The following ITSN2 variants were observed in gnomAD, a reference collection of about 807,000 sequenced individuals.
ITSN2 encodes intersectin 2, also known as intersectin-2.
ITSN2 carries 156 observed loss-of-function variants against 243.7 expected under a neutral mutation model. The observed-to-expected ratio is 0.64, with a 90% CI of 0.56 to 0.73. The LOEUF is 0.73. Ranked by LOEUF, ITSN2 falls within the 30% of genes least tolerant of loss-of-function variation. ITSN2 has a pLI of 0.00. For missense variants in ITSN2, 1,801 were observed against 1,996.1 expected (o/e 0.90, Z 1.86); for synonymous variants, 703 against 699.9 (o/e 1.00, Z -0.07).
chr2:24,334,260 T>C (rs1460622391), intron 1 of ITSN2, among the ~76,000 whole-genome samples: 2 of 152,096 alleles, frequency 1.3e-5, no homozygotes, highest in East Asian at 1.9e-4. Context: ...GGTTTCGCCA[T>C]GTTGGCCAGG....
chr2:24,308,289 A>G (rs1682808946), intron 8 of ITSN2, among the ~76,000 whole-genome samples: 1 of 152,214 alleles, frequency 6.6e-6, no homozygotes, highest in South Asian at 2.1e-4. Context: ...TAAGTTCCAC[A>G]CACTCTCTCT....
In ITSN2 at chr2:24,209,924, T is replaced by C. The variant is rs139986826; in HGVS notation, c.4367A>G (p.Asn1456Ser). 8.0e-4 allele frequency: 1,286 copies of C among 1,614,196 alleles called. 1 individual carries two copies. The highest frequency in any genetic ancestry group is 1.9e-3 in the South Asian group (173 of 91,084). The change falls in exon 35 of 40, where the codon AAT becomes AGT. Residue 1456 changes from asparagine to serine, a missense_variant. By Grantham distance (46) the Asn-to-Ser change is conservative. This residue lies in a region of ITSN2 where 928 missense variants were observed against 1,065.4 expected (regional missense o/e 0.87). Coordinates refer to ENST00000355123, the MANE Select transcript of ITSN2 (RefSeq NM_006277.3). ...CATGTAGGTAAGAAGCAGGAAGTCA[T>C]TGAAGAGGAATCCGTGCAGTTCCTT... ...SNKELHGFLF[N>S]DFLLLTYMVK...
chr2:24,208,439 A>G (rs926998795), intron 36 of ITSN2, 120 bp from the exon 37 acceptor site: 2 of 731,738 alleles, frequency 2.7e-6, no homozygotes, highest in Admixed American at 2.4e-5. Flanking sequence ...CAAGTTTCCT[A>G]TCAAAGACCT....
chr2:24,203,700 G>A lies in ITSN2; in HGVS notation c.5020C>T (p.Leu1674=). The change falls in exon 40 of 40, where the codon CTG becomes TTG. Residue 1674 remains leucine, a synonymous_variant. Coordinates refer to ENST00000355123, the MANE Select transcript of ITSN2 (RefSeq NM_006277.3). ...SKGPMTRRLL[L]HEVPTGEVWV... ...ACCTCCCCGGTGGGGACCTCATGCA[G>A]CAGCAGTCGGCGGGTCATAGGGCCT... 1 of 1,614,198 alleles carries A rather than the reference G, an allele frequency of 6.2e-7. No homozygotes were observed. The highest frequency in any genetic ancestry group is 1.3e-5 in the African/African-American group (1 of 75,058).
intron 2 of ITSN2, among the ~76,000 whole-genome samples, chr2:24,316,445 G>A (rs1489978991): frequency 1.3e-5 from 2 of 151,984 alleles, no homozygotes; most frequent in Non-Finnish European, 2.9e-5. Context: ...CACACACCCG[G>A]CTAATTTTTG....
chr2:24,254,010 A>G (rs1051365873), intron 24 of ITSN2, among the ~76,000 whole-genome samples: 1 of 152,224 alleles, frequency 6.6e-6, no homozygotes, highest in Non-Finnish European at 1.5e-5. Context: ...CATATGGTAC[A>G]TTGTAATTAA....
rs533217150 is a variant in ITSN2, at chr2:24,255,485, C to T, written c.2889-1054G>A. On this transcript the variant is annotated intron_variant, in intron 23 of 39. Transcript: ENST00000355123. ...CTCTACTAAAATACAAAAATTAGCC[C>T]GGTGTGGTGGTGCATTCCTGTAATC... 8.0e-5 allele frequency among the ~76,000 whole-genome samples: 12 copies of T among 150,486 alleles called. No homozygotes were observed. The South Asian group carries it at 1.7e-3, about 21-fold the overall frequency.
chr2:24,277,606 G>C (rs943061418), intron 17 of ITSN2, among the ~76,000 whole-genome samples: 4 of 152,192 alleles, frequency 2.6e-5, no homozygotes, highest in Admixed American at 2.6e-4. Context: ...GTGGTTTAGT[G>C]ATGAGGAGCA....
At chr2:24,246,428 A>T in intron 28 of ITSN2, 108 bp from the exon 29 acceptor site, 1 of 589,562 alleles carries the variant, frequency 1.7e-6, no homozygotes, top group Non-Finnish European at 2.6e-6. Flanking sequence ...TTAAATATTA[A>T]AATTAGGCTA....
intron 13 of ITSN2, among the ~76,000 whole-genome samples, chr2:24,297,871 G>A (rs1259841110): frequency 6.6e-6 from 1 of 152,112 alleles, no homozygotes; most frequent in Non-Finnish European, 1.5e-5. Flanking sequence ...TCAGCATTTT[G>A]AGTCATTATC....
chr2:24,246,559 G>A (rs1263157179), intron 28 of ITSN2, among the ~76,000 whole-genome samples: 1 of 152,120 alleles, frequency 6.6e-6, no homozygotes. Flanking sequence ...GTATGATGGT[G>A]TAACAATTTC....
At position 24,209,973 on chromosome 2, in the gene ITSN2, T is replaced by C; in HGVS notation, c.4318A>G (p.Lys1440Glu). 1 of 1,614,188 alleles carries C rather than the reference T, an allele frequency of 6.2e-7. No individual in the cohort carries two copies. The highest frequency in any genetic ancestry group is 1.3e-5 in the African/African-American group (1 of 75,056). Reference sequence around the variant, plus strand: ...TTGTTGCTCTTGGTCTTGTATAATTTCCCACTGTGTAAGAGCTTCCGGGGC... The same window carrying C: ...TTGTTGCTCTTGGTCTTGTATAATTCCCCACTGTGTAAGAGCTTCCGGGGC... The part of the protein sequence containing the change: ...LGPRKLLHSG[K>E]LYKTKSNKEL... The change falls in exon 35 of 40, where the codon AAA becomes GAA. Residue 1440 changes from lysine to glutamate, a missense_variant. Lys to Glu is a moderately conservative substitution (Grantham distance 56). This residue lies in a region of ITSN2 where 928 missense variants were observed against 1,065.4 expected (regional missense o/e 0.87). Transcript: ENST00000355123.
intron 29 of ITSN2, among the ~76,000 whole-genome samples, chr2:24,226,153 C>T (rs1671010355): frequency 6.6e-6 from 1 of 152,188 alleles, no homozygotes; most frequent in Non-Finnish European, 1.5e-5. Context: ...GTGTTGGCTA[C>T]CTGCAGTCAG....
chr2:24,329,215 T>G (rs1260204227), intron 1 of ITSN2, among the ~76,000 whole-genome samples: 1 of 151,630 alleles, frequency 6.6e-6, no homozygotes, highest in East Asian at 1.9e-4. Context: ...TGTCAATAAA[T>G]TCAAAAATTG....
In ITSN2 at chr2:24,216,189, C is replaced by A. The variant is rs746112140; in HGVS notation, c.3850G>T (p.Val1284Leu). Reference sequence around the variant, plus strand: ...GCCAGGATGTCCCCAATCATCTGCACCGGCATCTTCTCGCCCCCGGTCTTC... The same window carrying A: ...GCCAGGATGTCCCCAATCATCTGCAACGGCATCTTCTCGCCCCCGGTCTTC... Reference protein sequence around the residue: ...RKKTGGEKMPVQMIGDILAAE... With the variant: ...RKKTGGEKMPLQMIGDILAAE... Residue 1284 changes from valine (V) to leucine (L), a missense_variant, in exon 32 of 40, where the codon GTG becomes TTG. Physicochemically the swap from Val to Leu is conservative, Grantham distance 32 (BLOSUM62 1). Around this residue, in one of 5 missense-constraint regions of ITSN2, gnomAD observed 928 missense variants for 1,065.4 expected, o/e 0.87. Coordinates refer to ENST00000355123, the MANE Select transcript of ITSN2 (RefSeq NM_006277.3). 2 of 1,609,672 alleles carry A rather than the reference C, an allele frequency of 1.2e-6. No homozygotes were observed. Among genetic ancestry groups the A allele is most frequent in the Non-Finnish European group, 1.7e-6 (2 of 1,177,928 alleles).
intron 23 of ITSN2, among the ~76,000 whole-genome samples, chr2:24,257,566 C>T (rs1312274618): frequency 6.6e-6 from 1 of 151,802 alleles, no homozygotes; most frequent in Non-Finnish European, 1.5e-5. Context: ...AAGAGATTCT[C>T]CTGCCTTAGC....
intron 37 of ITSN2, 156 bp from the exon 38 acceptor site, chr2:24,205,453 C>G: frequency 1.7e-6 from 1 of 601,602 alleles, no homozygotes; most frequent in South Asian, 1.9e-5. Context: ...TTTCCCCAGG[C>G]TGTGTTGCCT....
chr2:24,224,406 C>T lies in ITSN2; in HGVS notation c.3578-3340G>A, dbSNP rs1172229626. On this transcript the variant is annotated intron_variant, in intron 29 of 39. Coordinates refer to ENST00000355123, the MANE Select transcript of ITSN2 (RefSeq NM_006277.3). ...CCATTTTGTGTACCAGTGCGTTGAG[C>T]ACCACAAGGATACAACTATCACACC... is the stretch of plus-strand genomic sequence containing the variant. Among the ~76,000 whole-genome samples, 3 of 152,188 alleles carry T rather than the reference C, an allele frequency of 2.0e-5. No homozygotes were observed. The East Asian group carries it at 5.8e-4, about 29-fold the overall frequency.
chr2:24,297,958 C>T (rs1330868425), intron 13 of ITSN2, among the ~76,000 whole-genome samples: 2 of 151,762 alleles, frequency 1.3e-5, no homozygotes, highest in African/African-American at 2.4e-5. Flanking sequence ...AACTAATTCA[C>T]GAGAGATTTT....
Sources: allele counts gnomAD v4.1 joint callset (sites outside exome capture counted in the v4.1 genomes callset), GRCh38; gene constraint gnomAD v4.1.1; regional missense constraint gnomAD v4.1.1; transcripts MANE v1.5; gene names NCBI Gene and HGNC (gene_info 2026-07-23, HGNC 2026-07-21).